MYOM2: variants seen among roughly 807,000 people sequenced by gnomAD.
MYOM2 encodes the protein myomesin 2.
Under a neutral mutation model 187.6 loss-of-function variants are expected in MYOM2, and 254 were observed. The ratio of observed to expected loss-of-function variants is 1.35; its 90% CI spans 1.22 to 1.50. The LOEUF is 1.50. Among genes scored for constraint, MYOM2 ranks in the 40% most tolerant of loss-of-function variants. MYOM2 has a pLI of 0.00. For synonymous variants in MYOM2, 981 were observed against 753.8 expected (o/e 1.30, Z -4.94); for missense variants, 2,796 against 1,924.0 (o/e 1.45, Z -8.48).
intron 6 of MYOM2, among the ~76,000 whole-genome samples, chr8:2,062,138 G>A (rs1818869676): frequency 6.6e-6 from 1 of 152,216 alleles, no homozygotes; most frequent in Admixed American, 6.5e-5. Flanking sequence ...GGGGGTCCTG[G>A]GCTGGGGGGT....
At chr8:2,130,276 C>G (rs550708073) in intron 32 of MYOM2, among the ~76,000 whole-genome samples, 38 of 138,220 alleles carry the variant, frequency 2.7e-4, no homozygotes, top group African/African-American at 1.0e-3. Flanking sequence ...CGTCAGTACC[C>G]TATACCCAGG....
chr8:2,067,277 A>G (rs1819049519), intron 6 of MYOM2, among the ~76,000 whole-genome samples: 1 of 152,202 alleles, frequency 6.6e-6, no homozygotes, highest in African/African-American at 2.4e-5. Flanking sequence ...AATGCATTTG[A>G]AAAGTGAGAC....
chr8:2,144,860 G>T lies in MYOM2; in HGVS notation c.4277G>T (p.Gly1426Val), dbSNP rs1266363929. Reference protein sequence around the residue: ...YSINIKNKYGGEKIDVTVSVY... With the variant: ...YSINIKNKYGVEKIDVTVSVY... ...ATCAACATCAAGAATAAGTATGGCG[G>T]GGAGAAGATCGACGTGACAGTGAGC... The change falls in exon 37 of 37, where the codon GGG (glycine) becomes GTG (valine). Residue 1426 changes from glycine to valine, a missense_variant. Physicochemically the swap from Gly to Val is moderately radical, Grantham distance 109 (BLOSUM62 -3). Transcript: ENST00000262113. 1 of 1,614,154 alleles carries T rather than the reference G, an allele frequency of 6.2e-7. No homozygotes were observed. Among genetic ancestry groups the T allele is most frequent in the South Asian group, 1.1e-5 (1 of 91,074 alleles).
intron 13 of MYOM2, among the ~76,000 whole-genome samples, chr8:2,083,564 G>A (rs1819708213): frequency 6.6e-6 from 1 of 152,196 alleles, no homozygotes; most frequent in Non-Finnish European, 1.5e-5. Flanking sequence ...TGTCTCTCGT[G>A]TGCTCAGCAG....
rs115046914 is a variant in MYOM2 at position 2,085,437 on chromosome 8, C to T, written c.1644+47C>T. On this transcript the variant is annotated intron_variant, in intron 14 of 36. Transcript: ENST00000262113. ...TGGAAAAGTAGATCTCTGCATGGCC[C>T]CCCACTGTCATGATCTCTGCGTGGC... 2,826 of 1,592,270 alleles carry T rather than the reference C, an allele frequency of 1.8e-3. 139 individuals carry two copies. The African/African-American group carries it at 0.031, about 18-fold the overall frequency.
chr8:2,122,981 CT>C (rs1563071039), intron 28 of MYOM2, among the ~76,000 whole-genome samples: 523 of 151,878 alleles, frequency 3.4e-3, no homozygotes, highest in Non-Finnish European at 5.7e-3. Flanking sequence ...ATCTTTATGC[CT>C]AGTCTAATTT....
chr8:2,099,094 C>T (rs777679791), intron 19 of MYOM2, 111 bp downstream of exon 19: 96 of 1,364,950 alleles, frequency 7.0e-5, no homozygotes, highest in Non-Finnish European at 8.4e-5. Flanking sequence ...TCTGTTCCTC[C>T]GACACCCGCA....
At chr8:2,079,202 C>CT (rs3215428) in intron 12 of MYOM2, among the ~76,000 whole-genome samples, 2 of 151,780 alleles carry the variant, frequency 1.3e-5, no homozygotes, top group Admixed American at 6.6e-5. Context: ...AGAATTAGAC[C>CT]TTTTTTTTAT....
chr8:2,124,772 GATA>G (rs1005956952), intron 31 of MYOM2, among the ~76,000 whole-genome samples: 1 of 151,982 alleles, frequency 6.6e-6, no homozygotes, highest in African/African-American at 2.4e-5. Flanking sequence ...TTGTCTTTTT[GATA>G]ATAGCCATTC....
At chr8:2,085,517 C>CCCACTGTCGTGATCTCCGCA (rs1819812720) in intron 14 of MYOM2, 127 bp downstream of exon 14, 2 of 504,914 alleles carry the variant, frequency 4.0e-6, no homozygotes, top group Admixed American at 4.3e-5. Flanking sequence ...TCCGCGTGGC[C>CCCACTGTCGTGATCTCCGCA]CCCCACTGTT....
intron 14 of MYOM2, among the ~76,000 whole-genome samples, chr8:2,086,433 G>A (rs950370581): frequency 7.2e-6 from 1 of 138,914 alleles, no homozygotes; most frequent in Non-Finnish European, 1.5e-5. Flanking sequence ...TGTGATCTCT[G>A]CGTGGCCCCC....
At chr8:2,057,311 G>C in intron 3 of MYOM2, 37 bp from the exon 4 acceptor site, 1 of 1,574,108 alleles carries the variant, frequency 6.4e-7, no homozygotes, top group Non-Finnish European at 8.6e-7. Flanking sequence ...TTTTCTTCGT[G>C]ACTCCTGCAA....
At chr8:2,134,652 G>A (rs981912915) in intron 32 of MYOM2, among the ~76,000 whole-genome samples, 5 of 152,256 alleles carry the variant, frequency 3.3e-5, no homozygotes, top group African/African-American at 1.2e-4. Flanking sequence ...TCATTCAGCT[G>A]CTTGGCTGTA....
rs1038015931 is a variant in MYOM2 at position 2,066,202 on chromosome 8, C to T, written c.654-3076C>T. 3.3e-5 allele frequency among the ~76,000 whole-genome samples: 5 copies of T among 152,204 alleles called. No homozygotes were observed. The East Asian group carries it at 5.8e-4, about 18-fold the overall frequency. On this transcript the variant is annotated intron_variant, in intron 6 of 36. Transcript: ENST00000262113. Reference sequence around the variant, plus strand: ...CCTGGTCCAGCAGGGTCACGTGCAGCGGTTCCTGCACGGGAACTGCCCGTG... The same window carrying T: ...CCTGGTCCAGCAGGGTCACGTGCAGTGGTTCCTGCACGGGAACTGCCCGTG...
At chr8:2,108,241 A>G (rs1388312152) in intron 23 of MYOM2, among the ~76,000 whole-genome samples, 1 of 151,770 alleles carries the variant, frequency 6.6e-6, no homozygotes, top group African/African-American at 2.4e-5. Context: ...TGCAAAATGC[A>G]GTGTATTTTG....
intron 28 of MYOM2, among the ~76,000 whole-genome samples, chr8:2,121,651 A>T (rs1295612348): frequency 6.6e-6 from 1 of 152,244 alleles, no homozygotes; most frequent in Non-Finnish European, 1.5e-5. Context: ...AACGTGAAAA[A>T]ATAGATGGAG....
At chr8:2,049,277 G>A (rs1162531705) in intron 1 of MYOM2, among the ~76,000 whole-genome samples, 1 of 152,174 alleles carries the variant, frequency 6.6e-6, no homozygotes, top group Admixed American at 6.5e-5. Flanking sequence ...GGATGGCCTT[G>A]GGGCAGGGGT....
At chr8:2,136,000 G>T (rs1482992044) in intron 32 of MYOM2, among the ~76,000 whole-genome samples, 1 of 152,236 alleles carries the variant, frequency 6.6e-6, no homozygotes, top group Non-Finnish European at 1.5e-5. Flanking sequence ...AGCAGCCAGG[G>T]TTGCAGACGC....
intron 24 of MYOM2, 140 bp downstream of exon 24, chr8:2,108,970 C>G: frequency 1.2e-6 from 1 of 807,058 alleles, no homozygotes; most frequent in Non-Finnish European, 2.0e-6. Context: ...GGATTGAAAC[C>G]TATTGATTTA....
Sources: gnomAD v4.1 joint callset for allele counts (sites outside exome capture counted in the v4.1 genomes callset) on GRCh38, gnomAD v4.1.1 for gene constraint, MANE v1.5 for transcripts, NCBI Gene and HGNC (gene_info 2026-07-23, HGNC 2026-07-21) for gene names.